The following TIMM17A variants were observed in gnomAD, a reference collection of about 807,000 sequenced individuals.
The protein encoded by TIMM17A is translocase of inner mitochondrial membrane 17A, also known as mitochondrial import inner membrane translocase subunit Tim17-A.
A neutral mutation model predicts 26.5 loss-of-function variants in TIMM17A; 15 were observed. That is an observed-to-expected ratio of 0.57 (90% CI 0.38 to 0.87). TIMM17A has a LOEUF of 0.87. TIMM17A is among the 40% of genes least tolerant of loss of function. The probability of loss-of-function intolerance (pLI) is 0.00; values close to 1 mark genes in which losing one functional copy is unlikely to be tolerated. For missense variants in TIMM17A, 201 were observed against 210.0 expected (o/e 0.96, Z 0.27); for synonymous variants, 80 against 70.8 (o/e 1.13, Z -0.66).
intron 1 of TIMM17A, 43 bp downstream of exon 1, chr1:201,955,595 C>T (rs1294381406): frequency 6.2e-7 from 1 of 1,613,872 alleles, no homozygotes; most frequent in Admixed American, 1.7e-5. Flanking sequence ...GCCCCCCTGC[C>T]CACTGCCCTC....
chr1:201,969,130 C>T (rs1355612944), intron 5 of TIMM17A, among the ~76,000 whole-genome samples: 2 of 152,186 alleles, frequency 1.3e-5, no homozygotes, highest in East Asian at 1.9e-4. Context: ...GTGGGAGAAA[C>T]TCTTCTAATC....
At chr1:201,964,315 T>C (rs1682584557) in intron 4 of TIMM17A, among the ~76,000 whole-genome samples, 1 of 152,232 alleles carries the variant, frequency 6.6e-6, no homozygotes, top group East Asian at 1.9e-4. Flanking sequence ...TATGCTATAA[T>C]TTCTTCACCA....
chr1:201,968,813 C>T (rs893693575), intron 5 of TIMM17A, among the ~76,000 whole-genome samples: 2 of 151,930 alleles, frequency 1.3e-5, no homozygotes, highest in Non-Finnish European at 2.9e-5. Flanking sequence ...TTCTCTCTTC[C>T]TTCCAGATAT....
At chr1:201,964,672 T>C (rs1571606421) in intron 4 of TIMM17A, among the ~76,000 whole-genome samples, 2 of 131,690 alleles carry the variant, frequency 1.5e-5, no homozygotes, top group African/African-American at 2.9e-5. Context: ...TTTTTGAGAC[T>C]GAGTCTCACT....
chr1:201,958,448 A>G (rs367680358), intron 3 of TIMM17A, among the ~76,000 whole-genome samples: 1 of 152,270 alleles, frequency 6.6e-6, no homozygotes, highest in Non-Finnish European at 1.5e-5. Context: ...CACGCCAATA[A>G]TCCCAGCAGT....
chr1:201,965,675 T>C (rs1571606938), intron 5 of TIMM17A, 132 bp downstream of exon 5: 2 of 672,510 alleles, frequency 3.0e-6, no homozygotes, highest in South Asian at 3.9e-5. Flanking sequence ...ACTGTGATAA[T>C]AGGTAAAAAA....
At position 201,957,289 on chromosome 1, in the gene TIMM17A, G is replaced by A. The variant is rs201034256; in HGVS notation, c.35G>A (p.Arg12Gln). 56 of 1,608,848 alleles carry A rather than the reference G, an allele frequency of 3.5e-5. No homozygotes were observed. Among genetic ancestry groups the A allele is most frequent in the Non-Finnish European group, 3.9e-5 (46 of 1,176,022 alleles). Residue 12 changes from arginine to glutamine, a missense_variant, in exon 2 of 6, where the codon CGA (arginine) becomes CAA (glutamine). Arg to Gln is a conservative substitution (Grantham distance 43). Coordinates refer to ENST00000367287, the MANE Select transcript of TIMM17A (RefSeq NM_006335.3). ...EEYAREPCPWRIVDDCGGAFT... is the reference protein window; with the variant it reads ...EEYAREPCPWQIVDDCGGAFT... ...TTTCCCCCTGTTCTTAGCCCATGGC[G>A]AATTGTGGATGACTGTGGTGGGGCC...
intron 3 of TIMM17A, among the ~76,000 whole-genome samples, chr1:201,961,357 C>T (rs1013353077): frequency 2.0e-5 from 3 of 152,108 alleles, no homozygotes; most frequent in Admixed American, 1.3e-4. Context: ...GTGAGCCATC[C>T]GGCCCAGCCC....
intron 1 of TIMM17A, among the ~76,000 whole-genome samples, chr1:201,956,739 C>T (rs529450019): frequency 1.3e-5 from 2 of 152,050 alleles, no homozygotes; most frequent in East Asian, 1.9e-4. Context: ...AGGCGGATCA[C>T]GAGGTCAGGA....
At chr1:201,962,945 AAAG>A (rs1337729636) in intron 3 of TIMM17A, 2 of 152,390 alleles carry the variant, frequency 1.3e-5, no homozygotes, top group Non-Finnish European at 2.9e-5. Context: ...CTATGAAAGA[AAAG>A]AAGAACGAAA....
chr1:201,968,418 A>G (rs1169794475), intron 5 of TIMM17A, among the ~76,000 whole-genome samples: 4 of 149,216 alleles, frequency 2.7e-5, no homozygotes, highest in Admixed American at 1.3e-4. Context: ...TTTTTTAGAC[A>G]GACTTGCTCT....
chr1:201,958,908 G>A (rs769119462), intron 3 of TIMM17A, among the ~76,000 whole-genome samples: 8 of 152,110 alleles, frequency 5.3e-5, no homozygotes, highest in Non-Finnish European at 1.0e-4. Flanking sequence ...TGAGGGTTGA[G>A]GTAATGTTGT....
At chr1:201,956,334 A>G (rs1469562315) in intron 1 of TIMM17A, among the ~76,000 whole-genome samples, 2 of 152,184 alleles carry the variant, frequency 1.3e-5, no homozygotes, top group African/African-American at 4.8e-5. Flanking sequence ...TAAAAAATCA[A>G]ATCTTGATAT....
chr1:201,967,761 C>T (rs1379117173), intron 5 of TIMM17A, among the ~76,000 whole-genome samples: 1 of 151,880 alleles, frequency 6.6e-6, no homozygotes, highest in East Asian at 1.9e-4. Context: ...ATCCTAAACT[C>T]CTGGGCTCAA....
intron 1 of TIMM17A, among the ~76,000 whole-genome samples, chr1:201,956,545 T>C (rs764864244): frequency 6.6e-6 from 1 of 152,232 alleles, no homozygotes; most frequent in Non-Finnish European, 1.5e-5. Flanking sequence ...AAAGCAGTTA[T>C]CCTCCATTCT....
chr1:201,965,456 T>A lies in TIMM17A; in HGVS notation c.343T>A (p.Ser115Thr). ...ARNGPVAMVGSAAMGGILLAL... is the reference protein window; with the variant it reads ...ARNGPVAMVGTAAMGGILLAL... Reference sequence around the variant, plus strand: ...AGATGGACCAGTGGCCATGGTTGGGTCAGCCGCAATGGGTGGCATTCTCCT... The same window carrying A: ...AGATGGACCAGTGGCCATGGTTGGGACAGCCGCAATGGGTGGCATTCTCCT... The change falls in exon 5 of 6, where the codon TCA (serine) becomes ACA (threonine). Residue 115 changes from serine (S) to threonine (T), a missense_variant. Coordinates refer to ENST00000367287, the MANE Select transcript of TIMM17A (RefSeq NM_006335.3). The A allele has an allele frequency of 6.2e-7, 1 of 1,613,872 alleles. No individual in the cohort carries two copies. The highest frequency in any genetic ancestry group is 1.1e-5 in the South Asian group (1 of 91,074).
chr1:201,969,828 G>A lies in TIMM17A; in HGVS notation c.*274G>A, dbSNP rs1682702689. 4.1e-6 allele frequency: 1 copy of A among 244,336 alleles called. No individual in the cohort carries two copies. Among genetic ancestry groups the A allele is most frequent in the Non-Finnish European group, 7.9e-6 (1 of 127,202 alleles). 15.1% of individuals were successfully genotyped at this position (244,336 alleles called of 1,614,324 possible). A position where few individuals can be genotyped will look rare whatever the true frequency, so the allele number is the denominator to read the frequency against. On this transcript the variant is annotated 3_prime_UTR_variant, in exon 6 of 6. Coordinates refer to ENST00000367287, the MANE Select transcript of TIMM17A (RefSeq NM_006335.3). ...ATACAGTAAGTGCTTGAAAGATGAAGGACCAAAAGGCCAAAAAACAGTGAA... is the reference window on the plus strand; with the variant it reads ...ATACAGTAAGTGCTTGAAAGATGAAAGACCAAAAGGCCAAAAAACAGTGAA...
intron 2 of TIMM17A, 27 bp from the exon 3 acceptor site, chr1:201,957,484 T>G: frequency 6.2e-7 from 1 of 1,609,112 alleles, no homozygotes; most frequent in Non-Finnish European, 8.5e-7. Flanking sequence ...TAATATATTT[T>G]TTGTTGCTTC....
Position 201,958,046 on chromosome 1 carries a change from AG to A in TIMM17A, c.190+473del, listed in dbSNP as rs1465736971. On this transcript the variant is annotated intron_variant, in intron 3 of 5. Coordinates refer to ENST00000367287, the MANE Select transcript of TIMM17A (RefSeq NM_006335.3). ...CAGCTACTCAGGAGACTGAGGCAGG[AG>A]AATCACTTGAACCCGGGAGGCGGAG... is the stretch of plus-strand genomic sequence containing the variant. 5 of 154,416 alleles carry A rather than the reference AG, an allele frequency of 3.2e-5. No individual in the cohort carries two copies. In the East Asian group the frequency reaches 9.5e-4, roughly 29 times the overall value. 9.6% of individuals were successfully genotyped at this position (154,416 alleles called of 1,614,324 possible).
Sources: gnomAD v4.1 joint callset for allele counts (sites outside exome capture counted in the v4.1 genomes callset) on GRCh38, gnomAD v4.1.1 for gene constraint, MANE v1.5 for transcripts, NCBI Gene and HGNC (gene_info 2026-07-23, HGNC 2026-07-21) for gene names.